Variants in UBASH3B observed in about 807,000 individuals in gnomAD.
The protein encoded by UBASH3B is ubiquitin-associated and SH3 domain-containing protein B.
In UBASH3B, 37 loss-of-function variants were observed where a neutral mutation model predicts 83.4. That is an observed-to-expected ratio of 0.44 (90% CI 0.34 to 0.58). UBASH3B has a LOEUF of 0.58. Ranked by LOEUF, UBASH3B falls within the 20% of genes least tolerant of loss-of-function variation. The pLI is 0.01. For missense variants in UBASH3B, 657 were observed against 827.2 expected (o/e 0.79, Z 2.52); for synonymous variants, 304 against 318.3 (o/e 0.96, Z 0.48).
chr11:122,788,936 T>C (rs1434145737), intron 5 of UBASH3B, among the ~76,000 whole-genome samples, 164 bp from the exon 6 acceptor site: 1 of 152,186 alleles, frequency 6.6e-6, no homozygotes, highest in Non-Finnish European at 1.5e-5. Context: ...AAGTGCTCTC[T>C]GATAGGAATT....
intron 1 of UBASH3B, among the ~76,000 whole-genome samples, chr11:122,733,449 C>G (rs747460953): frequency 6.6e-6 from 1 of 152,216 alleles, no homozygotes; most frequent in Non-Finnish European, 1.5e-5. Flanking sequence ...CAAATCCCAG[C>G]CATCCAGTTT....
chr11:122,765,525 G>T (rs1458370134), intron 1 of UBASH3B, among the ~76,000 whole-genome samples: 3 of 152,138 alleles, frequency 2.0e-5, no homozygotes, highest in African/African-American at 7.2e-5. Flanking sequence ...CTGGCTGCTT[G>T]CTCACACCCC....
At chr11:122,698,996 C>T (rs1038425066) in intron 1 of UBASH3B, among the ~76,000 whole-genome samples, 4 of 152,182 alleles carry the variant, frequency 2.6e-5, no homozygotes, top group African/African-American at 9.6e-5. Context: ...GCTGCAGGTG[C>T]CCAGCACCAC....
intron 1 of UBASH3B, among the ~76,000 whole-genome samples, chr11:122,774,498 G>C (rs1860700054): frequency 6.6e-6 from 1 of 152,214 alleles, no homozygotes; most frequent in Admixed American, 6.5e-5. Flanking sequence ...GTCAAATGAA[G>C]AAGTTGGGTT....
intron 11 of UBASH3B, among the ~76,000 whole-genome samples, chr11:122,802,550 T>C (rs1473710639): frequency 6.6e-6 from 1 of 152,136 alleles, no homozygotes; most frequent in African/African-American, 2.4e-5. Flanking sequence ...CCAAACCACA[T>C]TAAAGCAATG....
At chr11:122,730,230 G>A (rs914391825) in intron 1 of UBASH3B, among the ~76,000 whole-genome samples, 1 of 152,200 alleles carries the variant, frequency 6.6e-6, no homozygotes, top group Non-Finnish European at 1.5e-5. Context: ...AGTTTGCAGT[G>A]AGCCGAGATG....
intron 3 of UBASH3B, among the ~76,000 whole-genome samples, chr11:122,778,468 GGAAAA>G (rs1423178073): frequency 6.6e-6 from 1 of 151,646 alleles, no homozygotes; most frequent in East Asian, 1.9e-4. Flanking sequence ...TCATCTAAGA[GGAAAA>G]GAAAAGTACA....
intron 1 of UBASH3B, among the ~76,000 whole-genome samples, chr11:122,715,662 CACAT>C (rs1860510946): frequency 6.6e-6 from 1 of 152,194 alleles, no homozygotes; most frequent in Admixed American, 6.5e-5. Flanking sequence ...CTTCAAAGCA[CACAT>C]AGACACACAC....
chr11:122,657,691 C>T (rs1004628313), intron 1 of UBASH3B, among the ~76,000 whole-genome samples: 6 of 152,156 alleles, frequency 3.9e-5, no homozygotes, highest in Non-Finnish European at 8.8e-5. Flanking sequence ...TGCTGGGACA[C>T]GTTGGAGTGG....
intron 5 of UBASH3B, among the ~76,000 whole-genome samples, chr11:122,786,078 C>G (rs1366429867): frequency 6.6e-6 from 1 of 152,148 alleles, no homozygotes; most frequent in East Asian, 2.0e-4. Flanking sequence ...GAGACGGAGT[C>G]TTACTCTGTC....
At chr11:122,738,521 T>C (rs559382617) in intron 1 of UBASH3B, among the ~76,000 whole-genome samples, 1 of 152,298 alleles carries the variant, frequency 6.6e-6, no homozygotes, top group South Asian at 2.1e-4. Context: ...TTACACAGCA[T>C]GACAACAGAT....
intron 1 of UBASH3B, among the ~76,000 whole-genome samples, chr11:122,665,837 C>G (rs534294282): frequency 6.6e-6 from 1 of 152,186 alleles, no homozygotes; most frequent in Non-Finnish European, 1.5e-5. Flanking sequence ...AAGGTAGTGC[C>G]TTGAGCCCAG....
intron 1 of UBASH3B, among the ~76,000 whole-genome samples, chr11:122,672,398 C>T (rs949946533): frequency 6.6e-6 from 1 of 152,008 alleles, no homozygotes; most frequent in African/African-American, 2.4e-5. Context: ...TGGCTCACTG[C>T]AACCTTTGCC....
chr11:122,730,070 G>C (rs1860816328), intron 1 of UBASH3B, among the ~76,000 whole-genome samples: 1 of 146,418 alleles, frequency 6.8e-6, no homozygotes, highest in Non-Finnish European at 1.5e-5. Flanking sequence ...TGGATCACTT[G>C]AAGCCAGGAG....
chr11:122,661,344 C>T (rs1001266397), intron 1 of UBASH3B, among the ~76,000 whole-genome samples: 2 of 152,162 alleles, frequency 1.3e-5, no homozygotes, highest in Non-Finnish European at 2.9e-5. Context: ...AGTTGAGAAG[C>T]GGCATGTGGA....
chr11:122,702,198 T>C (rs576246142), intron 1 of UBASH3B, among the ~76,000 whole-genome samples: 250 of 152,306 alleles, frequency 1.6e-3, no homozygotes, highest in Middle Eastern at 3.4e-3. Context: ...GTAGCATTTG[T>C]TCCTAGGAAA....
intron 1 of UBASH3B, among the ~76,000 whole-genome samples, chr11:122,730,002 AAAG>A (rs1285200882): frequency 2.7e-5 from 4 of 146,806 alleles, no homozygotes; most frequent in African/African-American, 7.5e-5. Context: ...AAAAAAAAAA[AAAG>A]GCCAGGTGCA....
Position 122,789,139 on chromosome 11 carries a change from G to A in UBASH3B, c.811G>A (p.Asp271Asn), listed in dbSNP as rs1358324033. The A allele has an allele frequency of 3.7e-6, 6 of 1,613,870 alleles. No homozygotes were observed. Among genetic ancestry groups the A allele is most frequent in the Admixed American group, 1.7e-5 (1 of 60,016 alleles). Residue 271 changes from aspartate to asparagine, a missense_variant, in exon 6 of 14, where the codon GAT becomes AAT. By Grantham distance (23) the Asp-to-Asn change is conservative (BLOSUM62 1). Coordinates refer to ENST00000284273, the MANE Select transcript of UBASH3B (RefSeq NM_032873.5). The stretch of plus-strand genomic sequence containing the variant: ...CTACCCCTATACCCCACAAAATGAC[G>A]ATGAGCTGGAGCTGGTCCCCGGGGA... ...VIYPYTPQNDDELELVPGDFI... is the reference protein window; with the variant it reads ...VIYPYTPQNDNELELVPGDFI...
chr11:122,657,271 A>ATT (rs112842383), intron 1 of UBASH3B, among the ~76,000 whole-genome samples: 4 of 150,750 alleles, frequency 2.7e-5, no homozygotes, highest in African/African-American at 4.9e-5. Context: ...CCCTTCTCAC[A>ATT]TTTTTTTTTC....
Sources: gnomAD v4.1 joint callset for allele counts (sites outside exome capture counted in the v4.1 genomes callset) on GRCh38, gnomAD v4.1.1 for gene constraint, MANE v1.5 for transcripts, NCBI Gene and HGNC (gene_info 2026-07-23, HGNC 2026-07-21) for gene names.